Variants in RGS7 observed in about 807,000 individuals in gnomAD.
The protein encoded by RGS7 is regulator of G protein signaling 7.
RGS7 carries 27 observed loss-of-function variants against 81.1 expected under a neutral mutation model. That is an observed-to-expected ratio of 0.33 (90% CI 0.25 to 0.46). The LOEUF (loss-of-function observed/expected upper bound fraction) is 0.46. Among genes scored for constraint, RGS7 ranks in the 20% least tolerant of loss-of-function variants. The pLI, the probability that RGS7 is intolerant of heterozygous loss-of-function variation, is 1.00. For missense variants in RGS7, 396 were observed against 607.4 expected, an observed-to-expected ratio of 0.65 and a Z score of 3.66; for synonymous variants, 208 against 207.7, an observed-to-expected ratio of 1.00 and a Z score of -0.01.
At chr1:240,827,912 T>A (rs894868279) in intron 9 of RGS7, among the ~76,000 whole-genome samples, 1 of 148,260 alleles carries the variant, frequency 6.7e-6, no homozygotes, top group African/African-American at 2.5e-5. Flanking sequence ...GATGGGTGCC[T>A]TGCTTTTCCC....
intron 9 of RGS7, among the ~76,000 whole-genome samples, chr1:240,865,788 G>A (rs565692107): frequency 6.6e-6 from 1 of 152,224 alleles, no homozygotes; most frequent in South Asian, 2.1e-4. Flanking sequence ...TTTTTCTTGA[G>A]GGGGCCTAGT....
intron 2 of RGS7, among the ~76,000 whole-genome samples, chr1:241,270,328 A>G (rs992323019): frequency 1.3e-5 from 2 of 152,164 alleles, no homozygotes; most frequent in African/African-American, 4.8e-5. Context: ...GACTAACACT[A>G]TATTTTAAAA....
intron 18 of RGS7, among the ~76,000 whole-genome samples, chr1:240,790,431 G>T (rs962435182): frequency 6.6e-6 from 1 of 152,098 alleles, no homozygotes; most frequent in Non-Finnish European, 1.5e-5. Context: ...AAAGTGCTGG[G>T]ATTACAGGCA....
At chr1:240,989,428 C>G (rs1394436291) in intron 3 of RGS7, among the ~76,000 whole-genome samples, 1 of 151,424 alleles carries the variant, frequency 6.6e-6, no homozygotes, top group East Asian at 1.9e-4. Flanking sequence ...GAGTGAGACA[C>G]TGTCTCAAAA....
intron 2 of RGS7, among the ~76,000 whole-genome samples, chr1:241,262,281 A>G (rs145330245): frequency 4.0e-4 from 61 of 152,336 alleles, no homozygotes; most frequent in African/African-American, 1.2e-3. Context: ...GCAGTTCTTA[A>G]AATAGGTAGG....
At chr1:241,356,737 TGCGCGCGGCGCCCGTAGCCCAGCCCCG>T (rs2083601359) in intron 1 of RGS7, among the ~76,000 whole-genome samples, 135 bp downstream of exon 1, 1 of 149,328 alleles carries the variant, frequency 6.7e-6, no homozygotes, top group African/African-American at 2.4e-5. Context: ...GACCGCGGGG[TGCGCGCGGCGCCCGTAGCCCAGCCCCG>T]GCGCGGGGCT....
chr1:240,997,935 C>T (rs1687543195), intron 3 of RGS7, among the ~76,000 whole-genome samples: 1 of 152,188 alleles, frequency 6.6e-6, no homozygotes, highest in Non-Finnish European at 1.5e-5. Flanking sequence ...CTTTTCTTAT[C>T]GTTTCCCTTT....
intron 2 of RGS7, among the ~76,000 whole-genome samples, chr1:241,347,310 C>T (rs547025490): frequency 3.5e-4 from 53 of 152,140 alleles, no homozygotes; most frequent in Non-Finnish European, 5.9e-4. Context: ...AGACACTTGC[C>T]CAAGCTTGCA....
At chr1:241,130,405 A>T (rs2066992028) in intron 2 of RGS7, among the ~76,000 whole-genome samples, 2 of 151,882 alleles carry the variant, frequency 1.3e-5, no homozygotes, top group Non-Finnish European at 1.5e-5. Context: ...ACCATTGTTC[A>T]TTTCCGATAC....
intron 2 of RGS7, among the ~76,000 whole-genome samples, chr1:241,247,472 G>A (rs1318123032): frequency 6.6e-6 from 1 of 152,172 alleles, no homozygotes; most frequent in Admixed American, 6.5e-5. Context: ...AGACTGAGGG[G>A]AGTCTGATCT....
chr1:241,103,153 A>G (rs568340884), intron 2 of RGS7, among the ~76,000 whole-genome samples: 6 of 152,290 alleles, frequency 3.9e-5, no homozygotes, highest in African/African-American at 1.2e-4. Flanking sequence ...CCATATATAT[A>G]TGTATGTGTG....
intron 2 of RGS7, among the ~76,000 whole-genome samples, chr1:241,130,234 A>G (rs79686057): frequency 0.052 from 7,983 of 152,132 alleles, 713 homozygotes; most frequent in African/African-American, 0.18. Flanking sequence ...CCACTTGGTA[A>G]CCACTTTTAG....
chr1:241,245,899 T>C (rs971679278), intron 2 of RGS7, among the ~76,000 whole-genome samples: 5 of 151,470 alleles, frequency 3.3e-5, no homozygotes, highest in African/African-American at 7.3e-5. Context: ...GGTCAGGAGA[T>C]CAAGACCATC....
chr1:240,960,217 C>CTTTTTTTTTTTTTTTT (rs750366747), intron 4 of RGS7, among the ~76,000 whole-genome samples: 1 of 8,950 alleles, frequency 1.1e-4, no homozygotes, highest in Non-Finnish European at 2.0e-4. Flanking sequence ...TCTTCTTCTT[C>CTTTTTTTTTTTTTTTT]TTTTTTTTTT....
At chr1:240,998,547 C>A in intron 3 of RGS7, 1 of 865,492 alleles carries the variant, frequency 1.2e-6, no homozygotes, top group Non-Finnish European at 1.9e-6. Flanking sequence ...GCAGCAGAGG[C>A]GGGCAGAAGC....
chr1:241,049,140 C>T (rs971685713), intron 3 of RGS7, among the ~76,000 whole-genome samples: 1 of 152,220 alleles, frequency 6.6e-6, no homozygotes, highest in Non-Finnish European at 1.5e-5. Context: ...AGGCCACACT[C>T]ACAAGTACTA....
intron 3 of RGS7, among the ~76,000 whole-genome samples, chr1:241,041,935 T>G (rs898458812): frequency 3.3e-5 from 5 of 152,146 alleles, no homozygotes; most frequent in African/African-American, 1.2e-4. Flanking sequence ...TACCAAGTAC[T>G]AGAGCATCGT....
intron 3 of RGS7, among the ~76,000 whole-genome samples, chr1:241,014,712 A>G (rs1326659491): frequency 6.6e-6 from 1 of 152,222 alleles, no homozygotes; most frequent in Non-Finnish European, 1.5e-5. Context: ...ATCCTTACCA[A>G]GAGGGAAGTA....
At chr1:240,988,760 C>A (rs1477475232) in intron 3 of RGS7, among the ~76,000 whole-genome samples, 1 of 152,090 alleles carries the variant, frequency 6.6e-6, no homozygotes, top group African/African-American at 2.4e-5. Flanking sequence ...TCAGCAATGG[C>A]AAAAATCTGG....
Sources: allele counts gnomAD v4.1 joint callset (sites outside exome capture counted in the v4.1 genomes callset), GRCh38; gene constraint gnomAD v4.1.1; transcripts MANE v1.5; gene names NCBI Gene and HGNC (gene_info 2026-07-23, HGNC 2026-07-21).